Variants in TGFB2 observed in about 807,000 individuals in gnomAD.
The protein encoded by TGFB2 is transforming growth factor beta 2, also known as transforming growth factor beta-2 proprotein.
In TGFB2, 13 loss-of-function variants were observed where a neutral mutation model predicts 42.7. The ratio of observed to expected loss-of-function variants is 0.30; its 90% CI spans 0.20 to 0.48. TGFB2 has a LOEUF of 0.48. Among genes scored for constraint, TGFB2 ranks in the 20% least tolerant of loss-of-function variants. The pLI is 0.99. For synonymous variants in TGFB2, 193 were observed against 193.6 expected (o/e 1.00, Z 0.03); for missense variants, 390 against 517.5 (o/e 0.75, Z 2.39).
intron 2 of TGFB2, among the ~76,000 whole-genome samples, chr1:218,410,157 G>A (rs1006084813): frequency 5.9e-5 from 9 of 152,210 alleles, no homozygotes; most frequent in African/African-American, 1.7e-4. Context: ...ATTGGAATTC[G>A]CAGATTTAAA....
At chr1:218,419,619 C>G (rs1659390070) in intron 2 of TGFB2, among the ~76,000 whole-genome samples, 1 of 152,086 alleles carries the variant, frequency 6.6e-6, no homozygotes. Flanking sequence ...AAATAAGATT[C>G]AACTATAAGG....
intron 1 of TGFB2, among the ~76,000 whole-genome samples, chr1:218,394,152 G>A (rs2799089): frequency 0.41 from 62,960 of 151,768 alleles, 13,473 homozygotes; most frequent in East Asian, 0.54. Context: ...CTCGTGATCC[G>A]CCCGCCTCGG....
At chr1:218,432,428 A>G (rs1245453200) in intron 2 of TGFB2, among the ~76,000 whole-genome samples, 1 of 152,172 alleles carries the variant, frequency 6.6e-6, no homozygotes, top group African/African-American at 2.4e-5. Context: ...TGTAAAATTC[A>G]TGAGGGCACC....
chr1:218,408,333 G>C (rs1190997929), intron 2 of TGFB2, among the ~76,000 whole-genome samples: 1 of 152,154 alleles, frequency 6.6e-6, no homozygotes, highest in Non-Finnish European at 1.5e-5. Flanking sequence ...ATGTGCCTCA[G>C]AGGTTTCTGA....
chr1:218,425,496 C>T (rs893682635), intron 2 of TGFB2, among the ~76,000 whole-genome samples: 4 of 152,094 alleles, frequency 2.6e-5, no homozygotes, highest in South Asian at 2.1e-4. Flanking sequence ...TGTGAGCCAC[C>T]GTGCCCGACC....
intron 1 of TGFB2, among the ~76,000 whole-genome samples, chr1:218,351,616 C>G (rs1656869682): frequency 6.6e-6 from 1 of 152,084 alleles, no homozygotes; most frequent in Non-Finnish European, 1.5e-5. Context: ...GGCCAGCCAG[C>G]TTTATGCCTC....
Position 218,436,034 on chromosome 1 carries a change from A to T in TGFB2, c.819A>T (p.Lys273Asn). Residue 273 changes from lysine (K) to asparagine (N), a missense_variant, in exon 5 of 7, where the codon AAA (lysine) becomes AAT (asparagine). By Grantham distance (94) the Lys-to-Asn change is moderately conservative. Coordinates refer to ENST00000366930, the MANE Select transcript of TGFB2 (RefSeq NM_003238.6). ...AAACTATAAAGTCCACTAGGAAAAA[A>T]AACAGTGGGAAGACCCCACATCTCC... ...DQKTIKSTRKKNSGKTPHLLL... is the reference protein window; with the variant it reads ...DQKTIKSTRKNNSGKTPHLLL... The T allele has an allele frequency of 1.9e-6, 3 of 1,614,136 alleles. No individual in the cohort carries two copies. Among genetic ancestry groups the T allele is most frequent in the Non-Finnish European group, 2.5e-6 (3 of 1,179,986 alleles).
In TGFB2 at chr1:218,430,394, C is replaced by CA. The variant is rs1003330032; in HGVS notation, c.511-3675dup. Among the ~76,000 whole-genome samples, 1,090 of 127,952 alleles carry CA rather than the reference C, an allele frequency of 8.5e-3. 3 individuals carry two copies. The highest frequency in any genetic ancestry group is 0.025 in the Middle Eastern group (6 of 240). 83.9% of individuals were successfully genotyped at this position (127,952 alleles called of 152,430 possible). ...TGGGTGATAGAGTGAGACCCTGTCT[C>CA]AAAAAAAAAAAAAGTATAAAGAAAT... On this transcript the variant is annotated intron_variant, in intron 2 of 6. Coordinates refer to ENST00000366930, the MANE Select transcript of TGFB2 (RefSeq NM_003238.6).
At chr1:218,389,162 G>A (rs1373053020) in intron 1 of TGFB2, among the ~76,000 whole-genome samples, 1 of 152,192 alleles carries the variant, frequency 6.6e-6, no homozygotes, top group Non-Finnish European at 1.5e-5. Context: ...GGATGAAATA[G>A]TATATGTGGA....
chr1:218,432,786 G>A (rs190930530), intron 2 of TGFB2, among the ~76,000 whole-genome samples: 54 of 152,208 alleles, frequency 3.5e-4, no homozygotes, highest in African/African-American at 1.2e-3. Flanking sequence ...CATAGGTATG[G>A]AATGACCACA....
intron 1 of TGFB2, among the ~76,000 whole-genome samples, chr1:218,358,969 G>A (rs1215412239): frequency 6.6e-6 from 1 of 151,990 alleles, no homozygotes; most frequent in African/African-American, 2.4e-5. Flanking sequence ...AAGGATGGGT[G>A]GTTTGGTCAA....
chr1:218,402,691 T>A lies in TGFB2; in HGVS notation c.347-2478T>A, dbSNP rs371176243. ...TGAAAGTGGAAGAGGCCTGCAGGGA[T>A]TCCACTGAAAGAGGCGGGGAAAATT... On this transcript the variant is annotated intron_variant, in intron 1 of 6. Transcript: ENST00000366930. 2.0e-5 allele frequency among the ~76,000 whole-genome samples: 3 copies of A among 152,306 alleles called. 1 individual carries two copies. The East Asian group carries it at 5.8e-4, about 29-fold the overall frequency.
intron 1 of TGFB2, chr1:218,363,549 C>A: frequency 1.2e-6 from 1 of 844,210 alleles, no homozygotes. Flanking sequence ...CCTGAGCGAT[C>A]ACAAAGGTGC....
chr1:218,423,207 A>G (rs1196987237), intron 2 of TGFB2, among the ~76,000 whole-genome samples: 1 of 152,210 alleles, frequency 6.6e-6, no homozygotes, highest in Non-Finnish European at 1.5e-5. Flanking sequence ...TTTCTCCAAA[A>G]TTAATCAATG....
intron 1 of TGFB2, among the ~76,000 whole-genome samples, chr1:218,368,781 G>A (rs1657473643): frequency 1.3e-5 from 2 of 152,274 alleles, no homozygotes; most frequent in Middle Eastern, 3.4e-3. Flanking sequence ...CTGGCAGAGG[G>A]AATAGCTGGT....
intron 1 of TGFB2, among the ~76,000 whole-genome samples, chr1:218,372,219 C>T (rs1032481346): frequency 2.6e-5 from 4 of 151,972 alleles, no homozygotes; most frequent in Non-Finnish European, 5.9e-5. Context: ...TCTGAATTGC[C>T]CTGTTGTGTG....
At chr1:218,374,098 A>G (rs1657662063) in intron 1 of TGFB2, among the ~76,000 whole-genome samples, 1 of 152,236 alleles carries the variant, frequency 6.6e-6, no homozygotes, top group Admixed American at 6.5e-5. Context: ...AGTGGGCAAT[A>G]TAAACTCCAG....
intron 2 of TGFB2, among the ~76,000 whole-genome samples, chr1:218,417,063 A>C (rs1659305274): frequency 6.6e-6 from 1 of 152,200 alleles, no homozygotes; most frequent in Admixed American, 6.5e-5. Context: ...GTATCAGTAG[A>C]GTGGGGTGCT....
At position 218,441,452 on chromosome 1, in the gene TGFB2, T is replaced by C. The variant is rs1253134155; in HGVS notation, c.*90T>C. 1.7e-5 allele frequency: 24 copies of C among 1,395,012 alleles called. No individual in the cohort carries two copies. The highest frequency in any genetic ancestry group is 2.4e-5 in the East Asian group (1 of 41,942). The allele number at this position is 1,395,012 out of a possible 1,614,324, so 86.4% of individuals were successfully genotyped here. On this transcript the variant is annotated 3_prime_UTR_variant, in exon 7 of 7. Transcript: ENST00000366930. ...CGATGATGCTTGTAACAAGAAAACA[T>C]AAGAGAGCCTTGGTTCATCAGTGTT...
Sources: allele counts gnomAD v4.1 joint callset (sites outside exome capture counted in the v4.1 genomes callset), GRCh38; gene constraint gnomAD v4.1.1; transcripts MANE v1.5; gene names NCBI Gene and HGNC (gene_info 2026-07-23, HGNC 2026-07-21).